The following RANBP17 variants were observed in gnomAD, a reference collection of about 807,000 sequenced individuals.
RANBP17 encodes ran-binding protein 17.
A neutral mutation model predicts 141.2 loss-of-function variants in RANBP17; 158 were observed. The observed-to-expected ratio is 1.12, with a 90% confidence interval of 0.98 to 1.28. The LOEUF is 1.28. RANBP17 is among the 50% of genes most tolerant of loss of function. The probability of loss-of-function intolerance (pLI) is 0.00; values close to 1 mark genes in which losing one functional copy is unlikely to be tolerated. For synonymous variants in RANBP17, 430 were observed against 450.0 expected (o/e 0.96, Z 0.56); for missense variants, 1,438 against 1,290.7 (o/e 1.11, Z -1.75).
chr5:170,957,128 C>T (rs530490766), intron 13 of RANBP17, among the ~76,000 whole-genome samples: 2 of 151,544 alleles, frequency 1.3e-5, no homozygotes, highest in African/African-American at 2.4e-5. Flanking sequence ...GCCACTATCT[C>T]GTGAGAAAAC....
In RANBP17 at chr5:170,955,681, T is replaced by TATATATATATATATATATATATATAC. The variant is rs769742239; in HGVS notation, c.1574+1980_1574+1981insTATATATATATATATATATATATACA. The stretch of plus-strand genomic sequence containing the variant: ...ATATATATATATATATATATATATA[T>TATATATATATATATATATATATATAC]ACACTGAATGAACTCTGTAGAGGAA... On this transcript the variant is annotated intron_variant, in intron 13 of 27. Coordinates refer to ENST00000523189, the MANE Select transcript of RANBP17 (RefSeq NM_022897.5). 1.0e-4 allele frequency among the ~76,000 whole-genome samples: 4 copies of TATATATATATATATATATATATATAC among 39,064 alleles called. 1 individual carries two copies. Among genetic ancestry groups the TATATATATATATATATATATATATAC allele is most frequent in the Non-Finnish European group, 1.6e-4 (3 of 18,436 alleles). 25.6% of individuals were successfully genotyped at this position (39,064 alleles called of 152,430 possible).
rs535840336 is a variant in RANBP17, at chr5:171,177,771, A to G, written c.1866-5396A>G. Among the ~76,000 whole-genome samples the G allele has an allele frequency of 1.1e-4, 17 of 152,220 alleles. No homozygotes were observed. The South Asian group carries it at 3.1e-3, about 28-fold the overall frequency. On this transcript the variant is annotated intron_variant, in intron 16 of 27. Coordinates refer to ENST00000523189, the MANE Select transcript of RANBP17 (RefSeq NM_022897.5). ...TGTGAACACCTTGTTTTCAATCTACATATCTGGGTATGAATGTAATATAGT... is the reference window on the plus strand; with the variant it reads ...TGTGAACACCTTGTTTTCAATCTACGTATCTGGGTATGAATGTAATATAGT...
chr5:171,175,551 A>G (rs1028468684), intron 16 of RANBP17, among the ~76,000 whole-genome samples: 2 of 152,184 alleles, frequency 1.3e-5, no homozygotes, highest in African/African-American at 4.8e-5. Context: ...CAAGGCTAAT[A>G]TCCAGAATCT....
chr5:171,007,930 G>A (rs765706760), intron 14 of RANBP17, among the ~76,000 whole-genome samples: 14 of 152,180 alleles, frequency 9.2e-5, no homozygotes, highest in Non-Finnish European at 1.8e-4. Context: ...TGGCGAAGCC[G>A]GTGGGGAGCA....
intron 24 of RANBP17, among the ~76,000 whole-genome samples, chr5:171,245,897 G>C (rs890018856): frequency 2.2e-5 from 1 of 45,728 alleles, no homozygotes; most frequent in Non-Finnish European, 4.2e-5. Flanking sequence ...TTTTTTTTTT[G>C]AGATGGAGTC....
intron 14 of RANBP17, among the ~76,000 whole-genome samples, chr5:171,009,246 G>A (rs1779864873): frequency 6.6e-6 from 1 of 152,168 alleles, no homozygotes; most frequent in South Asian, 2.1e-4. Context: ...CTGCATGTCA[G>A]TTTCCCTAAA....
chr5:170,893,893 T>C (rs1250148109), intron 4 of RANBP17, among the ~76,000 whole-genome samples: 1 of 152,180 alleles, frequency 6.6e-6, no homozygotes, highest in African/African-American at 2.4e-5. Flanking sequence ...TGGTTGAGTA[T>C]GGGCAATTTT....
chr5:171,055,908 A>AAAAAAT (rs1783330894), intron 14 of RANBP17, among the ~76,000 whole-genome samples: 2 of 144,502 alleles, frequency 1.4e-5, no homozygotes, highest in Admixed American at 7.1e-5. Flanking sequence ...AAAAAAAAAA[A>AAAAAAT]CATTCTTATT....
intron 3 of RANBP17, among the ~76,000 whole-genome samples, chr5:170,890,084 A>C (rs1769472064): frequency 6.6e-6 from 1 of 152,126 alleles, no homozygotes; most frequent in Admixed American, 6.6e-5. Flanking sequence ...CTAGCTTTAA[A>C]TGTGAAACTT....
chr5:171,158,654 T>G (rs778660109), intron 14 of RANBP17, among the ~76,000 whole-genome samples: 1 of 152,092 alleles, frequency 6.6e-6, no homozygotes, highest in African/African-American at 2.4e-5. Context: ...CTTTGACCAT[T>G]TATTGTCCAT....
chr5:170,992,124 T>C (rs1778549490), intron 14 of RANBP17, among the ~76,000 whole-genome samples: 1 of 152,008 alleles, frequency 6.6e-6, no homozygotes, highest in Non-Finnish European at 1.5e-5. Flanking sequence ...AAATCTGTAA[T>C]GAGTTCAAAA....
chr5:171,078,164 C>G (rs1785057234), intron 14 of RANBP17, among the ~76,000 whole-genome samples: 1 of 143,192 alleles, frequency 7.0e-6, no homozygotes, highest in South Asian at 2.2e-4. Context: ...GACTGAGTCT[C>G]ACTGTACCGC....
chr5:171,293,437 T>G (rs367734335), intron 25 of RANBP17, among the ~76,000 whole-genome samples: 2 of 152,220 alleles, frequency 1.3e-5, no homozygotes, highest in East Asian at 3.9e-4. Context: ...TCACATGGAA[T>G]GTGTCCCATT....
Position 171,038,031 on chromosome 5 carries a change from A to G in RANBP17, c.1710+69654A>G. Among the ~76,000 whole-genome samples, 2 of 152,074 alleles carry G rather than the reference A, an allele frequency of 1.3e-5. 1 individual carries two copies. Among genetic ancestry groups the G allele is most frequent in the South Asian group, 4.1e-4 (2 of 4,822 alleles). ...TTTGGACAGTGTGGCCATTTTAACAATATTGATTCCTCCAATCCATGAGCA... is the reference window on the plus strand; with the variant it reads ...TTTGGACAGTGTGGCCATTTTAACAGTATTGATTCCTCCAATCCATGAGCA... On this transcript the variant is annotated intron_variant, in intron 14 of 27. Transcript: ENST00000523189.
intron 22 of RANBP17, among the ~76,000 whole-genome samples, chr5:171,224,267 A>AGT (rs1763756518): frequency 1.3e-5 from 2 of 152,354 alleles, no homozygotes; most frequent in East Asian, 3.9e-4. Context: ...TATGTATAAG[A>AGT]ATCTCTTAGT....
chr5:171,159,917 CAAAAAAAAAAAAAAAA>C (rs1175963382), intron 14 of RANBP17, among the ~76,000 whole-genome samples: 2 of 41,514 alleles, frequency 4.8e-5, no homozygotes, highest in South Asian at 2.1e-3. Flanking sequence ...GACTCCATCT[CAAAAAAAAAAAAAAAA>C]AAAAAAAAGA....
intron 14 of RANBP17, chr5:171,028,722 CT>C: frequency 3.0e-6 from 1 of 335,060 alleles, no homozygotes; most frequent in Non-Finnish European, 5.9e-6. Context: ...TCTCTTCCAA[CT>C]TTTGCAGAGA....
chr5:170,898,064 A>G (rs1334626274), intron 5 of RANBP17, among the ~76,000 whole-genome samples: 1 of 152,148 alleles, frequency 6.6e-6, no homozygotes, highest in Non-Finnish European at 1.5e-5. Flanking sequence ...CATCCTCTCT[A>G]GCATCTGTTG....
chr5:170,976,092 A>G (rs1257075907), intron 14 of RANBP17, among the ~76,000 whole-genome samples: 1 of 152,176 alleles, frequency 6.6e-6, no homozygotes, highest in African/African-American at 2.4e-5. Context: ...GATCTTATGT[A>G]TAGGAAATCC....
Sources: allele counts gnomAD v4.1 joint callset (sites outside exome capture counted in the v4.1 genomes callset), GRCh38; gene constraint gnomAD v4.1.1; transcripts MANE v1.5; gene names NCBI Gene and HGNC (gene_info 2026-07-23, HGNC 2026-07-21).